The following ADAMTS3 variants were observed in gnomAD, a reference collection of about 807,000 sequenced individuals.
The protein encoded by ADAMTS3 is A disintegrin and metalloproteinase with thrombospondin motifs 3.
In ADAMTS3, 73 loss-of-function variants were observed where a neutral mutation model predicts 129.0. The observed-to-expected ratio is 0.57, with a 90% CI of 0.47 to 0.69. The LOEUF (loss-of-function observed/expected upper bound fraction) is 0.69, where lower values mean the gene tolerates loss of function less well. ADAMTS3 is among the 30% of genes least tolerant of loss of function. The pLI is 0.00. For missense variants in ADAMTS3, 1,457 were observed against 1,514.5 expected (o/e 0.96, Z 0.63); for synonymous variants, 477 against 510.8 (o/e 0.93, Z 0.89).
At position 72,568,839 on chromosome 4, in the gene ADAMTS3, GTTTC is replaced by G. The variant is rs1156946064; in HGVS notation, c.-81_-78del. On this transcript the variant is annotated 5_prime_UTR_variant, in exon 1 of 22. Coordinates refer to ENST00000286657, the MANE Select transcript of ADAMTS3 (RefSeq NM_014243.3). ...AACCCACCCCCCCCGCCCAAAATAAGTTTCTTTAAGAAAAAAAGGAAAAGGGAAA... is the reference window on the plus strand; with the variant it reads ...AACCCACCCCCCCCGCCCAAAATAAGTTTAAGAAAAAAAGGAAAAGGGAAA... 1.0e-5 allele frequency: 9 copies of G among 863,884 alleles called. No individual in the cohort carries two copies. The highest frequency in any genetic ancestry group is 3.4e-5 in the East Asian group (1 of 29,580). The allele number at this position is 863,884 out of a possible 1,614,324, so 53.5% of individuals were successfully genotyped here.
At chr4:72,566,959 C>T (rs559005032) in intron 2 of ADAMTS3, among the ~76,000 whole-genome samples, 1 of 152,318 alleles carries the variant, frequency 6.6e-6, no homozygotes, top group Non-Finnish European at 1.5e-5. Context: ...AGAAAAATTT[C>T]CATGCTCTGT....
intron 4 of ADAMTS3, among the ~76,000 whole-genome samples, chr4:72,413,564 G>A (rs1312369427): frequency 1.3e-5 from 2 of 151,820 alleles, no homozygotes; most frequent in African/African-American, 4.8e-5. Context: ...AATATTAACA[G>A]GCAATTAAAT....
In ADAMTS3 at chr4:72,410,000, G is replaced by A. The variant is rs763236513; in HGVS notation, c.661+4815C>T. 6.3e-4 allele frequency among the ~76,000 whole-genome samples: 96 copies of A among 151,888 alleles called. 2 individuals carry two copies. The highest frequency in any genetic ancestry group is 2.8e-4 in the Non-Finnish European group (19 of 67,994). On this transcript the variant is annotated intron_variant, in intron 4 of 21. Transcript: ENST00000286657. The stretch of plus-strand genomic sequence containing the variant: ...ATTGCTACTTGATCTTAGTAATTTA[G>A]TAATATTATGTTCCATACTTCATTT...
intron 5 of ADAMTS3, among the ~76,000 whole-genome samples, chr4:72,330,015 G>T (rs1370904378): frequency 6.6e-6 from 1 of 151,868 alleles, no homozygotes; most frequent in African/African-American, 2.4e-5. Flanking sequence ...CCAAAGTTTG[G>T]TTTTTTTGTT....
rs113873885 is a variant in ADAMTS3, at chr4:72,455,714, C to T, written c.505-40743G>A. ...ATTTTTTGATGTTAGTGATATCTGT[C>T]GGCTTTATCAAATTTGTAATTTTTA... is the stretch of plus-strand genomic sequence containing the variant. On this transcript the variant is annotated intron_variant, in intron 3 of 21. Transcript: ENST00000286657. 6.6e-3 allele frequency among the ~76,000 whole-genome samples: 958 copies of T among 144,684 alleles called. 16 individuals carry two copies. The highest frequency in any genetic ancestry group is 0.023 in the African/African-American group (908 of 39,250). The allele number at this position is 144,684 out of a possible 152,430, so 94.9% of individuals were successfully genotyped here. A position where few individuals can be genotyped will look rare whatever the true frequency, so the allele number is the denominator to read the frequency against.
intron 3 of ADAMTS3, among the ~76,000 whole-genome samples, chr4:72,494,102 G>A (rs1337668124): frequency 6.6e-6 from 1 of 152,082 alleles, no homozygotes; most frequent in African/African-American, 2.4e-5. Context: ...TCATGAACTA[G>A]AATGTCAATT....
At chr4:72,345,054 A>G (rs1363974575) in intron 4 of ADAMTS3, among the ~76,000 whole-genome samples, 1 of 152,150 alleles carries the variant, frequency 6.6e-6, no homozygotes, top group African/African-American at 2.4e-5. Flanking sequence ...GCCAATTTTC[A>G]TGTGAATAAG....
At chr4:72,355,855 C>G (rs1187345154) in intron 4 of ADAMTS3, among the ~76,000 whole-genome samples, 2 of 152,004 alleles carry the variant, frequency 1.3e-5, no homozygotes, top group African/African-American at 2.4e-5. Context: ...GGTATGCTCT[C>G]CATGATATTC....
chr4:72,528,951 T>G (rs1560552495), intron 3 of ADAMTS3, among the ~76,000 whole-genome samples: 1 of 152,090 alleles, frequency 6.6e-6, no homozygotes, highest in Non-Finnish European at 1.5e-5. Flanking sequence ...AAGATAAACT[T>G]GAGATGCCAA....
In ADAMTS3 at chr4:72,529,905, A is replaced by G. The variant is rs1476841882; in HGVS notation, c.504+18573T>C. ...ATAATATATTATATATTATATATAA[A>G]TAATATATATTATAAATATTATATA... On this transcript the variant is annotated intron_variant, in intron 3 of 21. Transcript: ENST00000286657. Among the ~76,000 whole-genome samples, 4 of 54,836 alleles carry G rather than the reference A, an allele frequency of 7.3e-5. No individual in the cohort carries two copies. In the South Asian group the frequency reaches 2.1e-3, roughly 28 times the overall value. The allele number at this position is 54,836 out of a possible 152,430, so 36.0% of individuals were successfully genotyped here.
intron 3 of ADAMTS3, among the ~76,000 whole-genome samples, chr4:72,435,030 T>C (rs1722786842): frequency 6.6e-6 from 1 of 151,896 alleles, no homozygotes; most frequent in African/African-American, 2.4e-5. Flanking sequence ...ATTAAGCCTC[T>C]AAACAGCATA....
At chr4:72,416,175 A>ATAAATATATATATACATATATG (rs1302953256) in intron 3 of ADAMTS3, among the ~76,000 whole-genome samples, 2 of 148,630 alleles carry the variant, frequency 1.3e-5, no homozygotes, top group Non-Finnish European at 1.5e-5. Flanking sequence ...AAATATAAAT[A>ATAAATATATATATACATATATG]TAAATATATA....
intron 3 of ADAMTS3, among the ~76,000 whole-genome samples, chr4:72,542,672 A>T (rs558196671): frequency 3.9e-5 from 6 of 152,270 alleles, no homozygotes; most frequent in African/African-American, 1.4e-4. Context: ...TGGGAGGCAA[A>T]CTCCAAAGTA....
At chr4:72,481,826 T>A (rs1719444531) in intron 3 of ADAMTS3, among the ~76,000 whole-genome samples, 1 of 152,000 alleles carries the variant, frequency 6.6e-6, no homozygotes, top group Admixed American at 6.6e-5. Flanking sequence ...AATGTAAATT[T>A]AAAAAATTCA....
intron 4 of ADAMTS3, among the ~76,000 whole-genome samples, chr4:72,391,290 C>G (rs1177682153): frequency 6.6e-6 from 1 of 152,144 alleles, no homozygotes; most frequent in Non-Finnish European, 1.5e-5. Context: ...TGTATATTGT[C>G]TCTCTCCCAT....
At chr4:72,363,926 AATG>A (rs902651008) in intron 4 of ADAMTS3, among the ~76,000 whole-genome samples, 3 of 152,010 alleles carry the variant, frequency 2.0e-5, no homozygotes, top group Non-Finnish European at 4.4e-5. Context: ...TGGCGACGAT[AATG>A]ATGATGATGA....
intron 3 of ADAMTS3, among the ~76,000 whole-genome samples, chr4:72,425,658 T>C (rs1364928282): frequency 5.3e-5 from 8 of 152,162 alleles, no homozygotes; most frequent in African/African-American, 1.7e-4. Context: ...TAAAACGACA[T>C]GAACTCATCC....
intron 3 of ADAMTS3, among the ~76,000 whole-genome samples, chr4:72,418,695 C>T (rs1007412343): frequency 1.3e-5 from 2 of 152,206 alleles, no homozygotes; most frequent in Non-Finnish European, 2.9e-5. Flanking sequence ...TGTAATCTGG[C>T]TGTAAGCCCA....
chr4:72,383,898 T>TA (rs145184214), intron 4 of ADAMTS3, among the ~76,000 whole-genome samples: 2,955 of 152,194 alleles, frequency 0.019, 72 homozygotes, highest in African/African-American at 0.068. Flanking sequence ...TGCAAAATTA[T>TA]AAATTCTTCA....
Sources: allele counts gnomAD v4.1 joint callset (sites outside exome capture counted in the v4.1 genomes callset), GRCh38; gene constraint gnomAD v4.1.1; transcripts MANE v1.5; gene names NCBI Gene and HGNC (gene_info 2026-07-23, HGNC 2026-07-21).